NAALADL2: variants seen among roughly 807,000 people sequenced by gnomAD.
The protein encoded by NAALADL2 is N-acetylated alpha-linked acidic dipeptidase like 2, also known as inactive N-acetylated-alpha-linked acidic dipeptidase-like protein 2.
NAALADL2 carries 76 observed loss-of-function variants against 87.2 expected under a neutral mutation model. The ratio of observed to expected loss-of-function variants is 0.87; its 90% CI spans 0.72 to 1.05. NAALADL2 has a LOEUF of 1.05. NAALADL2 is among the 50% of genes least tolerant of loss of function. NAALADL2 has a pLI of 0.00. For synonymous variants in NAALADL2, 354 were observed against 331.0 expected, an observed-to-expected ratio of 1.07 and a Z score of -0.75; for missense variants, 1,089 against 945.8, an observed-to-expected ratio of 1.15 and a Z score of -1.99.
At chr3:174,651,656 C>A (rs1724375740) in intron 2 of NAALADL2, among the ~76,000 whole-genome samples, 1 of 152,084 alleles carries the variant, frequency 6.6e-6, no homozygotes, top group Non-Finnish European at 1.5e-5. Context: ...AGGAACAGAG[C>A]TCAGACTGAG....
chr3:174,917,776 A>T (rs1318143249), intron 1 of NAALADL2, among the ~76,000 whole-genome samples: 2 of 151,748 alleles, frequency 1.3e-5, no homozygotes, highest in African/African-American at 4.8e-5. Context: ...TTAGGGAATT[A>T]AAAAGAGAGA....
chr3:175,779,939 A>T (rs553053097), intron 13 of NAALADL2, among the ~76,000 whole-genome samples: 3 of 152,246 alleles, frequency 2.0e-5, no homozygotes, highest in Admixed American at 6.5e-5. Flanking sequence ...CTGTTCTGTT[A>T]CATGATTTGA....
chr3:174,700,358 C>G (rs991180082), intron 2 of NAALADL2, among the ~76,000 whole-genome samples: 1 of 151,096 alleles, frequency 6.6e-6, no homozygotes, highest in Non-Finnish European at 1.5e-5. Flanking sequence ...TTTTATATTT[C>G]ATGTGAAATA....
chr3:174,518,284 A>G (rs1271791074), intron 1 of NAALADL2, among the ~76,000 whole-genome samples: 3 of 152,190 alleles, frequency 2.0e-5, no homozygotes, highest in Admixed American at 2.0e-4. Context: ...ACATACAAGC[A>G]AACTGCTCTA....
chr3:174,838,340 A>C (rs1180212408), intron 3 of NAALADL2, among the ~76,000 whole-genome samples: 1 of 152,194 alleles, frequency 6.6e-6, no homozygotes, highest in Non-Finnish European at 1.5e-5. Context: ...CAAGGGGCAT[A>C]CCTCAAGGTA....
At chr3:175,408,058 T>C (rs1021703734) in intron 5 of NAALADL2, among the ~76,000 whole-genome samples, 1 of 152,172 alleles carries the variant, frequency 6.6e-6, no homozygotes, top group Non-Finnish European at 1.5e-5. Flanking sequence ...GAGTTCATTA[T>C]GGAATCTTAA....
chr3:175,274,419 TAGAC>T (rs1170648641), intron 4 of NAALADL2, among the ~76,000 whole-genome samples: 1 of 152,218 alleles, frequency 6.6e-6, no homozygotes, highest in Non-Finnish European at 1.5e-5. Context: ...ACATATTACA[TAGAC>T]AGTCTTTTAC....
chr3:175,215,494 C>T (rs376808750), intron 2 of NAALADL2, among the ~76,000 whole-genome samples: 2 of 152,112 alleles, frequency 1.3e-5, no homozygotes, highest in East Asian at 3.9e-4. Context: ...TAATAATTGA[C>T]TGCTTACCTG....
At chr3:175,656,721 A>ATG (rs373183644) in intron 11 of NAALADL2, among the ~76,000 whole-genome samples, 5,951 of 148,520 alleles carry the variant, frequency 0.04, 160 homozygotes, top group Admixed American at 0.068. Context: ...GTGTGTGTGT[A>ATG]TGTGTGTGTG....
chr3:175,307,349 T>G (rs928948902), intron 4 of NAALADL2, among the ~76,000 whole-genome samples: 1 of 152,158 alleles, frequency 6.6e-6, no homozygotes, highest in Non-Finnish European at 1.5e-5. Context: ...AATATAATAG[T>G]ATTTCTATAC....
chr3:174,545,652 AT>A (rs369847454), intron 1 of NAALADL2, among the ~76,000 whole-genome samples: 1 of 151,032 alleles, frequency 6.6e-6, no homozygotes, highest in Non-Finnish European at 1.5e-5. Flanking sequence ...TCAGCTTGGT[AT>A]TTTTTTTGTT....
At chr3:174,805,526 CTT>C (rs1241484895) in intron 3 of NAALADL2, among the ~76,000 whole-genome samples, 2 of 152,054 alleles carry the variant, frequency 1.3e-5, no homozygotes, top group African/African-American at 4.8e-5. Context: ...ACTTAAAAAT[CTT>C]TTCTTGTTTC....
intron 11 of NAALADL2, among the ~76,000 whole-genome samples, chr3:175,639,087 G>T (rs1297837855): frequency 1.3e-5 from 2 of 152,068 alleles, no homozygotes; most frequent in African/African-American, 4.8e-5. Context: ...TTCCTTTGAA[G>T]GTCTCCTGAT....
At chr3:175,450,356 T>C (rs181717789) in intron 6 of NAALADL2, among the ~76,000 whole-genome samples, 195 of 152,262 alleles carry the variant, frequency 1.3e-3, no homozygotes, top group Admixed American at 3.3e-3. Flanking sequence ...TAACATATTG[T>C]TAAATTTTCT....
rs921754291 is a variant in NAALADL2 at position 175,446,237 on chromosome 3, C to A, written c.1091-992C>A. On this transcript the variant is annotated intron_variant, in intron 5 of 13. Coordinates refer to ENST00000454872, the MANE Select transcript of NAALADL2 (RefSeq NM_207015.3). ...CTGAGGAGTCCAGGCAATCATGACA[C>A]CTTTTTTTGGGGGGGGCGGGGGGGA... Among the ~76,000 whole-genome samples, 8 of 115,248 alleles carry A rather than the reference C, an allele frequency of 6.9e-5. No homozygotes were observed. The Admixed American group carries it at 1.0e-3, about 15-fold the overall frequency. The allele number at this position is 115,248 out of a possible 152,430, so 75.6% of individuals were successfully genotyped here.
chr3:175,326,599 T>C (rs1273704279), intron 5 of NAALADL2, among the ~76,000 whole-genome samples: 1 of 152,200 alleles, frequency 6.6e-6, no homozygotes, highest in Non-Finnish European at 1.5e-5. Flanking sequence ...CTGAGTAATT[T>C]ATAAAGAGCG....
chr3:174,951,352 G>A (rs1740315303), intron 1 of NAALADL2, among the ~76,000 whole-genome samples: 1 of 151,948 alleles, frequency 6.6e-6, no homozygotes, highest in Non-Finnish European at 1.5e-5. Context: ...AAATGATATG[G>A]TAAGAAAGAA....
At chr3:175,413,371 A>T (rs1713971326) in intron 5 of NAALADL2, among the ~76,000 whole-genome samples, 1 of 150,654 alleles carries the variant, frequency 6.6e-6, no homozygotes, top group Non-Finnish European at 1.5e-5. Context: ...AGAGATAGAG[A>T]CCATCCTGGC....
intron 9 of NAALADL2, among the ~76,000 whole-genome samples, chr3:175,556,189 C>T (rs1339708852): frequency 6.6e-6 from 1 of 151,876 alleles, no homozygotes; most frequent in Non-Finnish European, 1.5e-5. Flanking sequence ...AAATAAGGTT[C>T]AAACAAGGGA....
Sources: gnomAD v4.1 joint callset for allele counts (sites outside exome capture counted in the v4.1 genomes callset) on GRCh38, gnomAD v4.1.1 for gene constraint, MANE v1.5 for transcripts, NCBI Gene and HGNC (gene_info 2026-07-23, HGNC 2026-07-21) for gene names.